The following GEMIN2 variants were observed in gnomAD, a reference collection of about 807,000 sequenced individuals.
GEMIN2 encodes gem-associated protein 2.
GEMIN2 carries 37 observed loss-of-function variants against 45.8 expected under a neutral mutation model. The ratio of observed to expected loss-of-function variants is 0.81; its 90% CI spans 0.62 to 1.06. The LOEUF is 1.06. GEMIN2 is among the 50% of genes least tolerant of loss of function. The pLI is 0.00. For missense variants in GEMIN2, 335 were observed against 321.8 expected (o/e 1.04, Z -0.31); for synonymous variants, 101 against 111.5 (o/e 0.91, Z 0.60).
At chr14:39,132,560 T>C (rs967757205) in intron 8 of GEMIN2, among the ~76,000 whole-genome samples, 2 of 151,898 alleles carry the variant, frequency 1.3e-5, no homozygotes, top group Non-Finnish European at 2.9e-5. Context: ...AAATTAGATT[T>C]TTACTAAGAT....
chr14:39,133,875 C>A, intron 9 of GEMIN2, 156 bp downstream of exon 9: 1 of 454,482 alleles, frequency 2.2e-6, no homozygotes, highest in Non-Finnish European at 3.9e-6. Context: ...CTCACTAGAG[C>A]TTTAACTTCC....
At chr14:39,134,703 G>T (rs1158435056) in intron 9 of GEMIN2, among the ~76,000 whole-genome samples, 6 of 152,112 alleles carry the variant, frequency 3.9e-5, no homozygotes, top group Admixed American at 3.9e-4. Flanking sequence ...TTCTAAGGTG[G>T]GTACTGTTAA....
chr14:39,114,695 G>C (rs1192485210), intron 1 of GEMIN2, 134 bp from the exon 2 acceptor site: 13 of 663,702 alleles, frequency 2.0e-5, no homozygotes, highest in Non-Finnish European at 3.2e-5. Context: ...GAAATACATT[G>C]TTTAGTACCT....
At chr14:39,135,130 T>C (rs2052766660) in intron 9 of GEMIN2, among the ~76,000 whole-genome samples, 1 of 152,182 alleles carries the variant, frequency 6.6e-6, no homozygotes, top group Non-Finnish European at 1.5e-5. Context: ...AGTTTCTGAC[T>C]GCCTCAGTTG....
intron 8 of GEMIN2, among the ~76,000 whole-genome samples, chr14:39,133,142 CATAT>C (rs2052741753): frequency 7.3e-6 from 1 of 137,292 alleles, no homozygotes; most frequent in Admixed American, 8.1e-5. Flanking sequence ...TATATATATT[CATAT>C]ATATTCTATA....
chr14:39,133,649 T>TC lies in GEMIN2; in HGVS notation c.712-12_712-11insC. 6.9e-7 allele frequency: 1 copy of TC among 1,439,958 alleles called. No homozygotes were observed. The highest frequency in any genetic ancestry group is 9.4e-7 in the Non-Finnish European group (1 of 1,063,378). The allele number at this position is 1,439,958 out of a possible 1,614,324, so 89.2% of individuals were successfully genotyped here. Reference sequence around the variant, plus strand: ...ACAGACAATATTTAAATTTTTCTTTTTTTTTTTTTAGGATAGCAAAGATGA... The same window carrying TC: ...ACAGACAATATTTAAATTTTTCTTTTCTTTTTTTTTAGGATAGCAAAGATGA... On this transcript the variant is annotated splice_polypyrimidine_tract_variant and intron_variant, in intron 8 of 9. Coordinates refer to ENST00000308317, the MANE Select transcript of GEMIN2 (RefSeq NM_003616.3).
intron 2 of GEMIN2, among the ~76,000 whole-genome samples, chr14:39,115,539 C>A (rs1258321570): frequency 2.0e-5 from 3 of 147,054 alleles, no homozygotes; most frequent in African/African-American, 7.5e-5. Context: ...TCACTGCAAC[C>A]TCTGCCTTCC....
chr14:39,114,605 C>A (rs1830120471), intron 1 of GEMIN2, 130 bp downstream of exon 1: 4 of 712,510 alleles, frequency 5.6e-6, no homozygotes, highest in Non-Finnish European at 9.3e-6. Flanking sequence ...TACATCCTAA[C>A]GTGGGCGAGT....
intron 6 of GEMIN2, among the ~76,000 whole-genome samples, chr14:39,126,297 A>T (rs970720942): frequency 6.7e-6 from 1 of 149,878 alleles, no homozygotes; most frequent in Non-Finnish European, 1.5e-5. Flanking sequence ...CTCCCACCTC[A>T]GCCTCCTGGT....
intron 4 of GEMIN2, chr14:39,121,879 ATTT>A: frequency 4.5e-5 from 7 of 154,908 alleles, no homozygotes; most frequent in South Asian, 1.5e-4. Flanking sequence ...CATCCGGCTA[ATTT>A]TTTTTTTTTT....
intron 2 of GEMIN2, among the ~76,000 whole-genome samples, chr14:39,116,157 C>A (rs2052503206): frequency 6.6e-6 from 1 of 150,748 alleles, no homozygotes; most frequent in Admixed American, 6.6e-5. Flanking sequence ...TGCCTCAGCC[C>A]CCTGAGTAGC....
chr14:39,119,487 A>C (rs898214951), intron 4 of GEMIN2, among the ~76,000 whole-genome samples: 1 of 152,262 alleles, frequency 6.6e-6, no homozygotes, highest in Non-Finnish European at 1.5e-5. Flanking sequence ...TCAGGACAGT[A>C]GTTTTTAACC....
chr14:39,123,708 A>ATTTTTTTT (rs1162485883), intron 5 of GEMIN2, among the ~76,000 whole-genome samples: 5 of 37,688 alleles, frequency 1.3e-4, no homozygotes, highest in African/African-American at 5.2e-4. Context: ...ATATATATAT[A>ATTTTTTTT]TTTTTTTTTT....
At chr14:39,115,891 T>C (rs1324895810) in intron 2 of GEMIN2, among the ~76,000 whole-genome samples, 1 of 152,180 alleles carries the variant, frequency 6.6e-6, no homozygotes, top group Non-Finnish European at 1.5e-5. Context: ...TTCCTACCCT[T>C]GTAGAGTTTA....
chr14:39,130,768 G>A (rs547317785), intron 7 of GEMIN2, among the ~76,000 whole-genome samples: 3 of 151,832 alleles, frequency 2.0e-5, no homozygotes, highest in South Asian at 2.1e-4. Context: ...GGTGGCGGGC[G>A]CCTGTTGTCC....
At chr14:39,118,780 ATTT>A (rs373341724) in intron 4 of GEMIN2, among the ~76,000 whole-genome samples, 181 bp downstream of exon 4, 12 of 138,674 alleles carry the variant, frequency 8.7e-5, no homozygotes, top group Non-Finnish European at 7.8e-5. Context: ...TTCATGACAA[ATTT>A]TTTTTTTTTT....
intron 5 of GEMIN2, among the ~76,000 whole-genome samples, chr14:39,123,752 C>G: frequency 1.4e-5 from 1 of 73,910 alleles, no homozygotes; most frequent in Non-Finnish European, 2.4e-5. Context: ...ACAGGGTCTT[C>G]TTCCGTCATC....
chr14:39,133,861 A>ACAG (rs2052751853), intron 9 of GEMIN2, 142 bp downstream of exon 9: 1 of 498,708 alleles, frequency 2.0e-6, no homozygotes, highest in Non-Finnish European at 3.6e-6. Flanking sequence ...TGGCGCAATC[A>ACAG]CAGCTCACTA....
intron 1 of GEMIN2, among the ~76,000 whole-genome samples, 161 bp from the exon 2 acceptor site, chr14:39,114,668 C>A (rs1193669281): frequency 6.6e-6 from 1 of 152,204 alleles, no homozygotes; most frequent in Non-Finnish European, 1.5e-5. Context: ...GATTTGTTTT[C>A]AATCCAGATA....
Sources: gnomAD v4.1 joint callset for allele counts (sites outside exome capture counted in the v4.1 genomes callset) on GRCh38, gnomAD v4.1.1 for gene constraint, MANE v1.5 for transcripts, NCBI Gene and HGNC (gene_info 2026-07-23, HGNC 2026-07-21) for gene names.